ZFR: variants seen among roughly 807,000 people sequenced by gnomAD.
ZFR encodes the protein zinc finger RNA binding protein.
Under a neutral mutation model 130.7 loss-of-function variants are expected in ZFR, and 19 were observed. The observed-to-expected ratio is 0.15, with a 90% confidence interval of 0.10 to 0.21. ZFR has a LOEUF of 0.21. ZFR is among the 10% of genes least tolerant of loss of function. ZFR has a pLI of 1.00. For missense variants in ZFR, 872 were observed against 1,321.5 expected (o/e 0.66, Z 5.27); for synonymous variants, 466 against 456.9 (o/e 1.02, Z -0.25).
At chr5:32,371,254 C>T (rs779025626) in intron 17 of ZFR, among the ~76,000 whole-genome samples, 3 of 152,180 alleles carry the variant, frequency 2.0e-5, no homozygotes, top group Non-Finnish European at 4.4e-5. Context: ...CCTATCATCA[C>T]AGGCACTAGG....
chr5:32,434,594 T>C (rs11742294), intron 2 of ZFR, among the ~76,000 whole-genome samples: 22,274 of 152,224 alleles, frequency 0.15, 1,944 homozygotes, highest in African/African-American at 0.24. Context: ...TGTAGGTGAT[T>C]CCAACATTCT....
intron 5 of ZFR, among the ~76,000 whole-genome samples, chr5:32,409,466 C>T (rs1470010554): frequency 1.3e-5 from 2 of 150,034 alleles, no homozygotes; most frequent in Non-Finnish European, 3.0e-5. Context: ...GGTGCAGTGG[C>T]GCAATCTCGA....
At chr5:32,372,475 T>C (rs1175521879) in intron 17 of ZFR, among the ~76,000 whole-genome samples, 2 of 152,122 alleles carry the variant, frequency 1.3e-5, no homozygotes, top group African/African-American at 4.8e-5. Context: ...ATGGGAGTTA[T>C]CTTCCATCTC....
chr5:32,366,764 T>C (rs570474553), intron 17 of ZFR, among the ~76,000 whole-genome samples: 4 of 152,240 alleles, frequency 2.6e-5, no homozygotes, highest in South Asian at 4.1e-4. Context: ...TTGGAGGCTA[T>C]AATTATATAA....
intron 2 of ZFR, among the ~76,000 whole-genome samples, chr5:32,423,948 A>AT (rs959545696): frequency 9.8e-5 from 15 of 152,328 alleles, no homozygotes; most frequent in African/African-American, 3.6e-4. Flanking sequence ...CAGAATAAAG[A>AT]TTTTTTAACC....
chr5:32,442,879 C>T (rs891505406), intron 2 of ZFR, among the ~76,000 whole-genome samples: 9 of 151,968 alleles, frequency 5.9e-5, no homozygotes, highest in Non-Finnish European at 8.8e-5. Context: ...ACATGAAAAC[C>T]CAACTATATG....
chr5:32,399,538 G>A (rs1185954033), intron 9 of ZFR, among the ~76,000 whole-genome samples: 1 of 152,122 alleles, frequency 6.6e-6, no homozygotes. Context: ...ATTTTACTGA[G>A]TTTACTTTAC....
chr5:32,395,326 T>C, intron 10 of ZFR, 22 bp from the exon 11 acceptor site: 1 of 1,502,568 alleles, frequency 6.7e-7, no homozygotes, highest in South Asian at 1.3e-5. Flanking sequence ...AATAAGACAT[T>C]TAAAAAACAG....
chr5:32,415,515 T>TGTGCGCGCGC (rs1326041688), intron 4 of ZFR, among the ~76,000 whole-genome samples: 6 of 97,936 alleles, frequency 6.1e-5, no homozygotes, highest in Admixed American at 9.3e-5. Context: ...TGTGTGTGTG[T>TGTGCGCGCGC]GCGCGCGCGC....
chr5:32,380,542 G>A (rs1468794244), intron 15 of ZFR: 8 of 160,128 alleles, frequency 5.0e-5, no homozygotes, highest in Non-Finnish European at 1.1e-4. Context: ...ACTCTAAATG[G>A]TCGTAAGTTA....
intron 15 of ZFR, among the ~76,000 whole-genome samples, chr5:32,383,174 CA>C (rs1399381904): frequency 6.6e-6 from 1 of 152,114 alleles, no homozygotes; most frequent in African/African-American, 2.4e-5. Context: ...AAAGACAAAA[CA>C]AACAAAACAG....
chr5:32,443,749 A>G (rs535711720), intron 2 of ZFR, among the ~76,000 whole-genome samples: 1 of 152,336 alleles, frequency 6.6e-6, no homozygotes, highest in South Asian at 2.1e-4. Flanking sequence ...GCACCAGGCG[A>G]CGACGCAGAG....
chr5:32,437,613 A>C (rs1412504249), intron 2 of ZFR, among the ~76,000 whole-genome samples: 1 of 152,224 alleles, frequency 6.6e-6, no homozygotes, highest in African/African-American at 2.4e-5. Flanking sequence ...AAATAATACT[A>C]ACATACTTCA....
Position 32,364,383 on chromosome 5 carries a change from T to G in ZFR, c.2836-108A>C. The G allele has an allele frequency of 4.1e-6, 3 of 723,170 alleles. No individual in the cohort carries two copies. The Admixed American group carries it at 8.9e-5, about 22-fold the overall frequency. 44.8% of individuals were successfully genotyped at this position (723,170 alleles called of 1,614,324 possible). Reference sequence around the variant, plus strand: ...AATTTTAAAGACTGAAAAAGCTACATAGAACAAGTCACAAAAACAGAAAAT... The same window carrying G: ...AATTTTAAAGACTGAAAAAGCTACAGAGAACAAGTCACAAAAACAGAAAAT... On this transcript the variant is annotated intron_variant, in intron 17 of 19. Transcript: ENST00000265069.
chr5:32,420,478 TTATGTTG>T (rs1753927847), intron 2 of ZFR, among the ~76,000 whole-genome samples: 1 of 152,228 alleles, frequency 6.6e-6, no homozygotes, highest in South Asian at 2.1e-4. Context: ...AAGTTCTTTA[TTATGTTG>T]TACAGTTTTA....
chr5:32,402,980 A>C, intron 8 of ZFR, 126 bp downstream of exon 8: 1 of 902,296 alleles, frequency 1.1e-6, no homozygotes, highest in Non-Finnish European at 1.7e-6. Flanking sequence ...AGATATGTGA[A>C]GAAACAAGGT....
chr5:32,435,987 A>G (rs779563109), intron 2 of ZFR, among the ~76,000 whole-genome samples: 15 of 152,078 alleles, frequency 9.9e-5, no homozygotes, highest in Admixed American at 2.0e-4. Flanking sequence ...TAACTTGATA[A>G]CTGTACTAAA....
Position 32,430,857 on chromosome 5 carries a change from CTT to C in ZFR, c.138-10756_138-10755del. Among the ~76,000 whole-genome samples the C allele has an allele frequency of 2.0e-5, 3 of 152,320 alleles. No individual in the cohort carries two copies. The East Asian group carries it at 5.8e-4, about 29-fold the overall frequency. ...TTGGGAGGCTATTGCAGGCAGATCTCTTGAGTCCAGGAGTTTGAGACCAGCCT... is the reference window on the plus strand; with the variant it reads ...TTGGGAGGCTATTGCAGGCAGATCTCGAGTCCAGGAGTTTGAGACCAGCCT... On this transcript the variant is annotated intron_variant, in intron 2 of 19. Coordinates refer to ENST00000265069, the MANE Select transcript of ZFR (RefSeq NM_016107.5).
chr5:32,410,003 ATAAAT>A (rs1753663731), intron 5 of ZFR, among the ~76,000 whole-genome samples: 3 of 152,148 alleles, frequency 2.0e-5, no homozygotes, highest in Admixed American at 2.0e-4. Context: ...ATCTGTGTCT[ATAAAT>A]TAAGTAAAAG....
Sources: gnomAD v4.1 joint callset for allele counts (sites outside exome capture counted in the v4.1 genomes callset) on GRCh38, gnomAD v4.1.1 for gene constraint, MANE v1.5 for transcripts, NCBI Gene and HGNC (gene_info 2026-07-23, HGNC 2026-07-21) for gene names.